EMCN: variants seen among roughly 807,000 people sequenced by gnomAD.
EMCN encodes MUC-14.
Under a neutral mutation model 38.4 loss-of-function variants are expected in EMCN, and 37 were observed. The ratio of observed to expected loss-of-function variants is 0.96; its 90% CI spans 0.74 to 1.27. The LOEUF is 1.27. Ranked by LOEUF, EMCN falls within the 50% of genes most tolerant of loss-of-function variation. The probability of loss-of-function intolerance (pLI) is 0.00; values close to 1 mark genes in which losing one functional copy is unlikely to be tolerated. For synonymous variants in EMCN, 95 were observed against 100.8 expected (o/e 0.94, Z 0.35); for missense variants, 318 against 302.8 (o/e 1.05, Z -0.37).
At chr4:100,439,010 C>T (rs537022865) in intron 5 of EMCN, among the ~76,000 whole-genome samples, 1 of 151,978 alleles carries the variant, frequency 6.6e-6, no homozygotes, top group South Asian at 2.1e-4. Flanking sequence ...TAGTTTAATC[C>T]TCAATATTTT....
chr4:100,462,868 TAA>T, intron 4 of EMCN, among the ~76,000 whole-genome samples: 1 of 152,162 alleles, frequency 6.6e-6, no homozygotes, highest in Non-Finnish European at 1.5e-5. Flanking sequence ...ATGATTACAA[TAA>T]AAAAGAGACA....
At chr4:100,482,419 T>C (rs765567035) in intron 1 of EMCN, among the ~76,000 whole-genome samples, 7 of 152,106 alleles carry the variant, frequency 4.6e-5, no homozygotes, top group Non-Finnish European at 8.8e-5. Flanking sequence ...TGGAAAAGAC[T>C]TTATAAGATA....
intron 5 of EMCN, among the ~76,000 whole-genome samples, chr4:100,441,928 T>G (rs1232284271): frequency 6.6e-6 from 1 of 152,208 alleles, no homozygotes; most frequent in Non-Finnish European, 1.5e-5. Flanking sequence ...ACACCACTAT[T>G]ACAGTATTAG....
chr4:100,457,087 A>G (rs757212217), intron 4 of EMCN, among the ~76,000 whole-genome samples: 1 of 151,894 alleles, frequency 6.6e-6, no homozygotes, highest in Non-Finnish European at 1.5e-5. Context: ...TTTGCCTTAA[A>G]TTCTACTTTT....
chr4:100,461,393 T>A (rs1406225769), intron 4 of EMCN, among the ~76,000 whole-genome samples: 1 of 152,150 alleles, frequency 6.6e-6, no homozygotes, highest in Non-Finnish European at 1.5e-5. Context: ...ATCTTTTTCA[T>A]CCACTAGAAG....
chr4:100,466,717 T>A (rs1298680146), intron 3 of EMCN, among the ~76,000 whole-genome samples: 2 of 152,096 alleles, frequency 1.3e-5, no homozygotes, highest in Non-Finnish European at 2.9e-5. Context: ...AAAGCAGAAG[T>A]TGGTATTCGT....
At position 100,398,098 on chromosome 4, in the gene EMCN, C is replaced by T. The variant is rs946787706; in HGVS notation, c.*315G>A. On this transcript the variant is annotated 3_prime_UTR_variant, in exon 12 of 12. Coordinates refer to ENST00000296420, the MANE Select transcript of EMCN (RefSeq NM_016242.4). ...AAGTCATGCCTATCAGCGAGCCCAC[C>T]TCCTGGGCTGTCAGATTCACTGCTC... The T allele has an allele frequency of 6.6e-5, 10 of 152,122 alleles. No homozygotes were observed. Among genetic ancestry groups the T allele is most frequent in the Non-Finnish European group, 1.3e-4 (9 of 68,008 alleles). 9.4% of individuals were successfully genotyped at this position (152,122 alleles called of 1,614,324 possible). A position where few individuals can be genotyped will look rare whatever the true frequency, so the allele number is the denominator to read the frequency against.
chr4:100,430,056 A>C (rs1221151364), intron 5 of EMCN, among the ~76,000 whole-genome samples: 1 of 152,146 alleles, frequency 6.6e-6, no homozygotes, highest in African/African-American at 2.4e-5. Flanking sequence ...AGATATTCTC[A>C]CCTCTTCCTG....
intron 5 of EMCN, among the ~76,000 whole-genome samples, chr4:100,431,718 T>C (rs929191141): frequency 2.7e-4 from 11 of 40,366 alleles, no homozygotes; most frequent in Admixed American, 8.2e-4. Flanking sequence ...ATTCTTACAA[T>C]ACATCTCTCT....
intron 4 of EMCN, among the ~76,000 whole-genome samples, chr4:100,453,226 G>T (rs1319724393): frequency 1.3e-5 from 2 of 152,006 alleles, no homozygotes; most frequent in Non-Finnish European, 2.9e-5. Flanking sequence ...CCATCAGAGT[G>T]AACAGGCAAC....
Position 100,423,364 on chromosome 4 carries a change from A to T in EMCN, c.456T>A (p.Gly152=), listed in dbSNP as rs1477371244. Residue 152 remains glycine (G), a synonymous_variant, in exon 6 of 12, where the codon GGT becomes GGA. Coordinates refer to ENST00000296420, the MANE Select transcript of EMCN (RefSeq NM_016242.4). The part of the protein sequence containing the change: ...LQPDASPSKT[G]TLTSIPVTIP... ...TTGTAACTGGTATTGAGGTTAATGT[A>T]CCAGTTTTAGAAGGTGATGCATCTG... 2.5e-6 allele frequency: 4 copies of T among 1,612,958 alleles called. No homozygotes were observed. The highest frequency in any genetic ancestry group is 3.4e-6 in the Non-Finnish European group (4 of 1,179,360).
intron 11 of EMCN, among the ~76,000 whole-genome samples, chr4:100,399,348 G>A (rs1726193657): frequency 6.6e-6 from 1 of 152,130 alleles, no homozygotes; most frequent in African/African-American, 2.4e-5. Context: ...GATATGGTGT[G>A]TGTGGTGGGG....
intron 1 of EMCN, among the ~76,000 whole-genome samples, chr4:100,502,532 T>C (rs1358926296): frequency 6.6e-6 from 1 of 152,228 alleles, no homozygotes; most frequent in African/African-American, 2.4e-5. Flanking sequence ...CTATAACATC[T>C]ACAAATAATA....
intron 2 of EMCN, among the ~76,000 whole-genome samples, chr4:100,476,318 C>T (rs935061335): frequency 6.6e-6 from 1 of 151,084 alleles, no homozygotes; most frequent in South Asian, 2.1e-4. Flanking sequence ...AGGTCTTGCT[C>T]TGTCACCCAG....
intron 8 of EMCN, 76 bp from the exon 9 acceptor site, chr4:100,417,217 C>G: frequency 8.0e-7 from 1 of 1,251,658 alleles, no homozygotes; most frequent in Non-Finnish European, 1.2e-6. Flanking sequence ...CCTCTAACCC[C>G]CTCACCTGCT....
rs73833330 is a variant in EMCN, at chr4:100,432,163, C to T, written c.416-8759G>A. On this transcript the variant is annotated intron_variant, in intron 5 of 11. Transcript: ENST00000296420. ...CACTTTTCAGAGGGTCTTTTAATCT[C>T]CTCATTAGGTCTGAACTTAGAGCTA... is the stretch of plus-strand genomic sequence containing the variant. Among the ~76,000 whole-genome samples the T allele has an allele frequency of 6.3e-3, 957 of 152,152 alleles. 9 individuals are homozygous for T. Among genetic ancestry groups the T allele is most frequent in the African/African-American group, 0.021 (880 of 41,530 alleles).
intron 5 of EMCN, among the ~76,000 whole-genome samples, chr4:100,426,119 A>G (rs1174762428): frequency 6.6e-6 from 1 of 152,124 alleles, no homozygotes; most frequent in African/African-American, 2.4e-5. Flanking sequence ...CAATTACTTA[A>G]TAAATCATTG....
chr4:100,469,174 C>G (rs924753265), intron 3 of EMCN, among the ~76,000 whole-genome samples: 11 of 151,998 alleles, frequency 7.2e-5, no homozygotes, highest in Non-Finnish European at 8.8e-5. Context: ...GGAAACTGTG[C>G]TACCACATGC....
chr4:100,479,762 C>A (rs184678740), intron 2 of EMCN, among the ~76,000 whole-genome samples, 155 bp downstream of exon 2: 21 of 152,030 alleles, frequency 1.4e-4, no homozygotes, highest in Admixed American at 1.4e-3. Flanking sequence ...TTGTATGGAA[C>A]CCCAAATAAC....
Sources: gnomAD v4.1 joint callset for allele counts (sites outside exome capture counted in the v4.1 genomes callset) on GRCh38, gnomAD v4.1.1 for gene constraint, MANE v1.5 for transcripts, NCBI Gene and HGNC (gene_info 2026-07-23, HGNC 2026-07-21) for gene names.